TAOK1: variants seen among roughly 807,000 people sequenced by gnomAD.
TAOK1 encodes the protein TAO kinase 1.
TAOK1 carries 21 observed loss-of-function variants against 138.3 expected under a neutral mutation model. That is an observed-to-expected ratio of 0.15 (90% CI 0.11 to 0.22). The LOEUF (loss-of-function observed/expected upper bound fraction) is 0.22, where lower values mean the gene tolerates loss of function less well. Among genes scored for constraint, TAOK1 ranks in the 10% least tolerant of loss-of-function variants. The probability of loss-of-function intolerance (pLI) is 1.00; values close to 1 mark genes in which losing one functional copy is unlikely to be tolerated. For synonymous variants in TAOK1, 361 were observed against 398.4 expected (o/e 0.91, Z 1.12); for missense variants, 651 against 1,227.7 (o/e 0.53, Z 7.02).
Position 29,457,345 on chromosome 17 carries a change from C to T in TAOK1, c.132+5665C>T, listed in dbSNP as rs368510285. Among the ~76,000 whole-genome samples the T allele has an allele frequency of 9.6e-3, 1,373 of 142,766 alleles. 16 individuals are homozygous for T. Among genetic ancestry groups the T allele is most frequent in the African/African-American group, 0.038 (1,303 of 34,194 alleles). The allele number at this position is 142,766 out of a possible 152,430, so 93.7% of individuals were successfully genotyped here. ...CTTGAACTCCTGACCTCAGGTGATCCGCCCGCCTCGGCCTCCCACAGTGCT... is the reference window on the plus strand; with the variant it reads ...CTTGAACTCCTGACCTCAGGTGATCTGCCCGCCTCGGCCTCCCACAGTGCT... On this transcript the variant is annotated intron_variant, in intron 2 of 19. Transcript: ENST00000261716.
intron 1 of TAOK1, among the ~76,000 whole-genome samples, chr17:29,425,085 T>C (rs1905592161): frequency 6.6e-6 from 1 of 152,212 alleles, no homozygotes; most frequent in Non-Finnish European, 1.5e-5. Flanking sequence ...GTTTTGGTTT[T>C]TTGAGGTAGA....
intron 15 of TAOK1, chr17:29,512,245 A>T (rs1218437338): frequency 6.8e-6 from 1 of 147,710 alleles, no homozygotes; most frequent in Non-Finnish European, 1.5e-5. Flanking sequence ...TTTTTAGTAG[A>T]GACGGGGTTT....
intron 4 of TAOK1, 80 bp from the exon 5 acceptor site, chr17:29,477,581 G>C: frequency 1.3e-6 from 1 of 792,578 alleles, no homozygotes; most frequent in Non-Finnish European, 1.7e-6. Flanking sequence ...TTGATCTACT[G>C]TGTGAACTTA....
intron 1 of TAOK1, among the ~76,000 whole-genome samples, chr17:29,430,802 T>A (rs190750073): frequency 6.6e-6 from 1 of 152,216 alleles, no homozygotes; most frequent in African/African-American, 2.4e-5. Context: ...TCATGCTGAT[T>A]TGGGGCTTAG....
intron 1 of TAOK1, among the ~76,000 whole-genome samples, chr17:29,434,984 G>A (rs901683650): frequency 1.3e-5 from 2 of 152,188 alleles, no homozygotes; most frequent in Admixed American, 6.5e-5. Context: ...GACACACCCA[G>A]ATAACTGGTG....
chr17:29,524,251 T>G (rs2031967930), intron 17 of TAOK1, among the ~76,000 whole-genome samples: 1 of 152,196 alleles, frequency 6.6e-6, no homozygotes, highest in African/African-American at 2.4e-5. Flanking sequence ...AGCTACAGAA[T>G]AGACAATCTC....
At chr17:29,479,017 C>T (rs1040199922) in intron 6 of TAOK1, among the ~76,000 whole-genome samples, 4 of 151,974 alleles carry the variant, frequency 2.6e-5, no homozygotes, top group Non-Finnish European at 5.9e-5. Context: ...CCCAGCTACT[C>T]GTGAGGCTGA....
intron 17 of TAOK1, among the ~76,000 whole-genome samples, chr17:29,526,897 C>T (rs982908962): frequency 7.0e-6 from 1 of 143,158 alleles, no homozygotes; most frequent in African/African-American, 2.6e-5. Context: ...GGGAGGTTGA[C>T]GTGGGCAGAT....
In TAOK1 at chr17:29,545,696, A is replaced by G. The variant is rs1261435462; in HGVS notation, c.*2674A>G. ...AGGAATCTCATACATAGTAGGAACCATCATAGAGTAAAGCTTGTAGCAGAA... is the reference window on the plus strand; with the variant it reads ...AGGAATCTCATACATAGTAGGAACCGTCATAGAGTAAAGCTTGTAGCAGAA... On this transcript the variant is annotated 3_prime_UTR_variant, in exon 20 of 20. Transcript: ENST00000261716. The G allele has an allele frequency of 6.6e-6, 1 of 152,216 alleles. No homozygotes were observed. The highest frequency in any genetic ancestry group is 2.4e-5 in the African/African-American group (1 of 41,456). 9.4% of individuals were successfully genotyped at this position (152,216 alleles called of 1,614,324 possible). A position where few individuals can be genotyped will look rare whatever the true frequency, so the allele number is the denominator to read the frequency against.
chr17:29,491,518 G>C lies in TAOK1; in HGVS notation c.750-266G>C, dbSNP rs577756729. 3.3e-5 allele frequency among the ~76,000 whole-genome samples: 5 copies of C among 152,142 alleles called. No individual in the cohort carries two copies. In the South Asian group the frequency reaches 1.0e-3, roughly 32 times the overall value. On this transcript the variant is annotated intron_variant, in intron 9 of 19. Transcript: ENST00000261716. ...AGATAGGCTTCCCTCATTTTGCCTCGATATAGTAATATGAGTTGTGATATT... is the reference window on the plus strand; with the variant it reads ...AGATAGGCTTCCCTCATTTTGCCTCCATATAGTAATATGAGTTGTGATATT...
intron 2 of TAOK1, among the ~76,000 whole-genome samples, chr17:29,465,922 C>T (rs2030657503): frequency 8.0e-6 from 1 of 125,188 alleles, no homozygotes; most frequent in East Asian, 2.7e-4. Context: ...GGAGTCTGGT[C>T]TTGATCCTGA....
At chr17:29,535,110 G>A (rs1022047365) in intron 19 of TAOK1, among the ~76,000 whole-genome samples, 1 of 151,906 alleles carries the variant, frequency 6.6e-6, no homozygotes, top group Non-Finnish European at 1.5e-5. Context: ...TCAGGAGTTC[G>A]AGACCAGCCT....
At chr17:29,459,461 A>G (rs2030479857) in intron 2 of TAOK1, among the ~76,000 whole-genome samples, 1 of 150,640 alleles carries the variant, frequency 6.6e-6, no homozygotes, top group African/African-American at 2.4e-5. Context: ...GTTTTTTTTT[A>G]TTTTTAGTAG....
intron 8 of TAOK1, among the ~76,000 whole-genome samples, chr17:29,488,739 T>G (rs2153027429): frequency 6.6e-6 from 1 of 151,482 alleles, no homozygotes; most frequent in African/African-American, 2.4e-5. Context: ...TACTTCAATT[T>G]GTCAAAGTCA....
At chr17:29,460,397 G>T (rs1173729378) in intron 2 of TAOK1, among the ~76,000 whole-genome samples, 1 of 152,038 alleles carries the variant, frequency 6.6e-6, no homozygotes, top group Non-Finnish European at 1.5e-5. Flanking sequence ...TCACCATGTT[G>T]GCCAGGCTGG....
chr17:29,520,884 C>T (rs1016850895), intron 16 of TAOK1, among the ~76,000 whole-genome samples: 3 of 151,862 alleles, frequency 2.0e-5, no homozygotes, highest in African/African-American at 7.2e-5. Flanking sequence ...ATTAGCCAGG[C>T]GTGGTGGCAC....
intron 2 of TAOK1, among the ~76,000 whole-genome samples, chr17:29,455,246 A>C (rs1372672134): frequency 2.7e-5 from 4 of 150,378 alleles, no homozygotes; most frequent in Non-Finnish European, 5.9e-5. Context: ...ATGCTAGTGT[A>C]AGTGGAATTA....
Position 29,542,778 on chromosome 17 carries a change from A to C in TAOK1, c.2762A>C (p.His921Pro). 1 of 1,614,174 alleles carries C rather than the reference A, an allele frequency of 6.2e-7. No individual in the cohort carries two copies. The highest frequency in any genetic ancestry group is 8.5e-7 in the Non-Finnish European group (1 of 1,180,024). ...SHNPTGGPGP[H>P]WGHPMGGPPQ... ...AACCCTACTGGGGGTCCAGGACCTC[A>C]CTGGGGTCATCCCATGGGTGGCCCA... Residue 921 changes from histidine to proline, a missense_variant, in exon 20 of 20, where the codon CAC becomes CCC. This residue lies in a region of TAOK1 where 108 missense variants were observed against 120.3 expected (regional missense o/e 0.90). Coordinates refer to ENST00000261716, the MANE Select transcript of TAOK1 (RefSeq NM_020791.4).
chr17:29,452,500 GTGTGAATTAAAAAAACTTATCAAATT>G (rs1221019341), intron 2 of TAOK1, among the ~76,000 whole-genome samples: 8 of 151,936 alleles, frequency 5.3e-5, no homozygotes, highest in Admixed American at 1.3e-4. Context: ...TTGTGTGTGC[GTGTGAATTAAAAAAACTTATCAAATT>G]TGCTGTTTTA....
Sources: allele counts gnomAD v4.1 joint callset (sites outside exome capture counted in the v4.1 genomes callset), GRCh38; gene constraint gnomAD v4.1.1; regional missense constraint gnomAD v4.1.1; transcripts MANE v1.5; gene names NCBI Gene and HGNC (gene_info 2026-07-23, HGNC 2026-07-21).